The following KDM3B variants were observed in gnomAD, a reference collection of about 807,000 sequenced individuals.
KDM3B encodes lysine-specific demethylase 3B.
In KDM3B, 10 loss-of-function variants were observed where a neutral mutation model predicts 170.0. The observed-to-expected ratio is 0.06, with a 90% CI of 0.04 to 0.10. The LOEUF (loss-of-function observed/expected upper bound fraction) is 0.10. Ranked by LOEUF, KDM3B falls within the 10% of genes least tolerant of loss-of-function variation. KDM3B has a pLI of 1.00. For synonymous variants in KDM3B, 831 were observed against 834.8 expected, an observed-to-expected ratio of 1.00 and a Z score of 0.08; for missense variants, 1,394 against 2,195.2, an observed-to-expected ratio of 0.64 and a Z score of 7.29.
chr5:138,400,547 A>C (rs1467592633), intron 11 of KDM3B, among the ~76,000 whole-genome samples: 6 of 152,072 alleles, frequency 3.9e-5, no homozygotes, highest in Non-Finnish European at 4.4e-5. Flanking sequence ...GGGGTTTGAG[A>C]CCAGTCTGGG....
At position 138,419,142 on chromosome 5, in the gene KDM3B, A is replaced by G; in HGVS notation, c.3625A>G (p.Arg1209Gly). 1 of 1,614,240 alleles carries G rather than the reference A, an allele frequency of 6.2e-7. No individual in the cohort carries two copies. Among genetic ancestry groups the G allele is most frequent in the Non-Finnish European group, 8.5e-7 (1 of 1,180,040 alleles). ...SNSNSELKAI[R>G]PPCPDTAPPS... is the part of the protein sequence containing the mutation. ...TAGCAATAGTGAACTGAAAGCCATC[A>G]GGCCTCCTTGCCCTGACACGGCCCC... The change falls in exon 14 of 24, where the codon AGG becomes GGG. Residue 1209 changes from arginine to glycine, a missense_variant. Physicochemically the swap from Arg to Gly is moderately radical, Grantham distance 125. This residue lies in a region of KDM3B where 87 missense variants were observed against 83.3 expected (regional missense o/e 1.04). Coordinates refer to ENST00000314358, the MANE Select transcript of KDM3B (RefSeq NM_016604.4).
intron 22 of KDM3B, among the ~76,000 whole-genome samples, chr5:138,431,218 A>G (rs1018614328): frequency 1.6e-4 from 24 of 151,988 alleles, no homozygotes; most frequent in African/African-American, 5.1e-4. Context: ...TCGGCCTCCC[A>G]AAGTGCTGGG....
At chr5:138,381,751 G>A in intron 6 of KDM3B, 161 bp downstream of exon 6, 2 of 541,864 alleles carry the variant, frequency 3.7e-6, no homozygotes, top group Non-Finnish European at 6.6e-6. Context: ...TAATTAAGGG[G>A]GGATATTCTC....
chr5:138,361,966 G>A (rs903599113), intron 1 of KDM3B, among the ~76,000 whole-genome samples: 2 of 152,164 alleles, frequency 1.3e-5, no homozygotes, highest in African/African-American at 4.8e-5. Context: ...GGCACTTGGG[G>A]AGCAGCAGAT....
At chr5:138,435,532 C>T in intron 23 of KDM3B, 88 bp from the exon 24 acceptor site, 2 of 1,020,372 alleles carry the variant, frequency 2.0e-6, no homozygotes, top group South Asian at 1.4e-5. Context: ...TGGGAGTTTC[C>T]CCACTAAACC....
chr5:138,396,390 C>T (rs971250317), intron 9 of KDM3B, among the ~76,000 whole-genome samples: 13 of 151,974 alleles, frequency 8.6e-5, no homozygotes, highest in African/African-American at 2.4e-4. Flanking sequence ...CCACTGCGCC[C>T]GGCCAAGTAT....
At chr5:138,372,895 A>G in intron 2 of KDM3B, 54 bp downstream of exon 2, 1 of 1,486,998 alleles carries the variant, frequency 6.7e-7, no homozygotes, top group Non-Finnish European at 9.2e-7. Flanking sequence ...CTATAATATA[A>G]CTATGACATG....
At chr5:138,387,811 G>A (rs1762312007) in intron 7 of KDM3B, among the ~76,000 whole-genome samples, 3 of 152,220 alleles carry the variant, frequency 2.0e-5, no homozygotes, top group Admixed American at 2.0e-4. Flanking sequence ...GCCAGGCACA[G>A]TAGCTCACAC....
At position 138,420,788 on chromosome 5, in the gene KDM3B, C is replaced by T. The variant is rs752502581; in HGVS notation, c.3798C>T (p.Val1266=). 1 of 1,614,162 alleles carries T rather than the reference C, an allele frequency of 6.2e-7. No homozygotes were observed. Among genetic ancestry groups the T allele is most frequent in the Non-Finnish European group, 8.5e-7 (1 of 1,180,042 alleles). ...ACTCGTTCAACTCCACTGCAAAGGTCTCTCCGCTGACTCCAAAGCTTTTTA... is the reference window on the plus strand; with the variant it reads ...ACTCGTTCAACTCCACTGCAAAGGTTTCTCCGCTGACTCCAAAGCTTTTTA... ...GLDSFNSTAK[V]SPLTPKLFNS... is the part of the protein sequence containing the mutation. The change falls in exon 15 of 24, where the codon GTC becomes GTT. Residue 1266 remains valine (V), a synonymous_variant. Transcript: ENST00000314358.
chr5:138,362,206 A>C (rs1326870096), intron 1 of KDM3B, among the ~76,000 whole-genome samples: 1 of 151,662 alleles, frequency 6.6e-6, no homozygotes, highest in Non-Finnish European at 1.5e-5. Context: ...AATCCCTGCT[A>C]CTCGGGAGGC....
In KDM3B at chr5:138,435,720, T is replaced by C. The variant is rs1366784046; in HGVS notation, c.*20T>C. On this transcript the variant is annotated 3_prime_UTR_variant, in exon 24 of 24. Coordinates refer to ENST00000314358, the MANE Select transcript of KDM3B (RefSeq NM_016604.4). ...TCCTAGGCATGGAGAAACTCCAAGC[T>C]CCTCTGTGAAGCAGGTCTTTCACTC... 6.3e-7 allele frequency: 1 copy of C among 1,587,412 alleles called. No homozygotes were observed. The highest frequency in any genetic ancestry group is 8.6e-7 in the Non-Finnish European group (1 of 1,158,210).
rs775022741 is a variant in KDM3B at position 138,375,217 on chromosome 5, C to T, written c.474+11C>T. 1.4e-5 allele frequency: 21 copies of T among 1,538,696 alleles called. No individual in the cohort carries two copies. The highest frequency in any genetic ancestry group is 1.9e-5 in the Non-Finnish European group (21 of 1,111,696). On this transcript the variant is annotated intron_variant, in intron 3 of 23. Transcript: ENST00000314358. ...TTGCATCTGTTTCAGGTATTTAACA[C>T]TTGCTTTAGTCTTGAGCCTATTATT...
intron 4 of KDM3B, 139 bp downstream of exon 4, chr5:138,377,964 GATAATA>G: frequency 2.4e-6 from 1 of 412,864 alleles, no homozygotes. Context: ...CCACATGAAA[GATAATA>G]ATTATTATTT....
In KDM3B at chr5:138,436,530, C is replaced by T. The variant is rs1580969926; in HGVS notation, c.*830C>T. The T allele has an allele frequency of 1.3e-5, 2 of 152,248 alleles. No homozygotes were observed. The highest frequency in any genetic ancestry group is 3.9e-4 in the East Asian group (2 of 5,188). 9.4% of individuals were successfully genotyped at this position (152,248 alleles called of 1,614,324 possible). ...AATTGGCTTTTTTAGGATTCTTTTT[C>T]TCCCCCTCCCATCTTAGTCTTACCT... On this transcript the variant is annotated 3_prime_UTR_variant, in exon 24 of 24. Coordinates refer to ENST00000314358, the MANE Select transcript of KDM3B (RefSeq NM_016604.4).
In KDM3B at chr5:138,415,341, T is replaced by A. The variant is rs1763075261; in HGVS notation, c.3307+102T>A. ...AAATGATTTAGCCTCATTTTTTCTT[T>A]TAAGCATCATCAGATTTCTCTGAGA... On this transcript the variant is annotated intron_variant, in intron 12 of 23. Transcript: ENST00000314358. The A allele has an allele frequency of 1.0e-5, 6 of 572,496 alleles. No homozygotes were observed. The South Asian group carries it at 1.9e-4, about 18-fold the overall frequency. 35.5% of individuals were successfully genotyped at this position (572,496 alleles called of 1,614,324 possible).
intron 14 of KDM3B, among the ~76,000 whole-genome samples, chr5:138,419,766 C>CACACACACAT (rs1371751932): frequency 2.3e-5 from 3 of 131,996 alleles, no homozygotes; most frequent in African/African-American, 8.3e-5. Flanking sequence ...CACACACACA[C>CACACACACAT]ATATATATGA....
At chr5:138,360,424 C>T (rs899831505) in intron 1 of KDM3B, among the ~76,000 whole-genome samples, 3 of 152,092 alleles carry the variant, frequency 2.0e-5, no homozygotes, top group African/African-American at 7.3e-5. Context: ...CATCTTAACT[C>T]TCCCCTTACA....
At chr5:138,356,636 C>CTTT (rs539401228) in intron 1 of KDM3B, among the ~76,000 whole-genome samples, 58 of 86,018 alleles carry the variant, frequency 6.7e-4, no homozygotes, top group African/African-American at 1.1e-3. Context: ...TGTCTCTTGA[C>CTTT]TTTTTTTTTT....
At chr5:138,397,225 C>T (rs549723222) in intron 9 of KDM3B, among the ~76,000 whole-genome samples, 1 of 152,230 alleles carries the variant, frequency 6.6e-6, no homozygotes, top group Non-Finnish European at 1.5e-5. Context: ...GTTCCAGCTA[C>T]TGGGGAGGCT....
Sources: allele counts gnomAD v4.1 joint callset (sites outside exome capture counted in the v4.1 genomes callset), GRCh38; gene constraint gnomAD v4.1.1; regional missense constraint gnomAD v4.1.1; transcripts MANE v1.5; gene names NCBI Gene and HGNC (gene_info 2026-07-23, HGNC 2026-07-21).